Variants in ADGRV1 observed in about 807,000 individuals in gnomAD.
ADGRV1 encodes G-protein coupled receptor 98.
A neutral mutation model predicts 596.2 loss-of-function variants in ADGRV1; 359 were observed. The observed-to-expected ratio is 0.60, with a 90% CI of 0.55 to 0.66. The LOEUF (loss-of-function observed/expected upper bound fraction) is 0.66, where lower values mean the gene tolerates loss of function less well. Among genes scored for constraint, ADGRV1 ranks in the 30% least tolerant of loss-of-function variants. ADGRV1 has a pLI of 0.00. For synonymous variants in ADGRV1, 2,681 were observed against 2,679.2 expected (o/e 1.00, Z -0.02); for missense variants, 7,274 against 7,575.6 (o/e 0.96, Z 1.48).
chr5:91,086,632 T>G (rs992608284), intron 86 of ADGRV1, among the ~76,000 whole-genome samples: 2 of 152,180 alleles, frequency 1.3e-5, no homozygotes, highest in South Asian at 4.1e-4. Flanking sequence ...TAAGCTCTCT[T>G]ACTCTTTTCT....
rs141624556 is a variant in ADGRV1, at chr5:90,839,416, G to A, written c.16612-1162G>A. Among the ~76,000 whole-genome samples, 573 of 151,976 alleles carry A rather than the reference G, an allele frequency of 3.8e-3. 5 individuals carry two copies. The highest frequency in any genetic ancestry group is 0.012 in the African/African-American group (513 of 41,450). On this transcript the variant is annotated intron_variant, in intron 77 of 89. Coordinates refer to ENST00000405460, the MANE Select transcript of ADGRV1 (RefSeq NM_032119.4). ...TTTTTAGTAGAGATGGGGTTTCACC[G>A]TGTTAGCCAGGATGGTCTTGATCTC...
chr5:90,816,477 T>C (rs1282001509), intron 75 of ADGRV1, among the ~76,000 whole-genome samples: 1 of 151,958 alleles, frequency 6.6e-6, no homozygotes, highest in Non-Finnish European at 1.5e-5. Context: ...TTGTTACGTA[T>C]GTACACATGT....
Position 90,629,509 on chromosome 5 carries a change from C to T in ADGRV1, c.1809C>T (p.Phe603=). The stretch of plus-strand genomic sequence containing the variant: ...AATTACCAATAAGAAATGATGCATT[C>T]CTTCAAAATGGAGCTCACTTTCTAG... The part of the protein sequence containing the change: ...TTKLPIRNDA[F]LQNGAHFLVQ... The change falls in exon 9 of 90, where the codon TTC becomes TTT. Residue 603 remains phenylalanine (F), a synonymous_variant. Coordinates refer to ENST00000405460, the MANE Select transcript of ADGRV1 (RefSeq NM_032119.4). 1 of 1,611,846 alleles carries T rather than the reference C, an allele frequency of 6.2e-7. No individual in the cohort carries two copies. The highest frequency in any genetic ancestry group is 8.5e-7 in the Non-Finnish European group (1 of 1,179,046).
At chr5:90,584,931 A>T (rs1356349906) in intron 1 of ADGRV1, among the ~76,000 whole-genome samples, 3 of 152,182 alleles carry the variant, frequency 2.0e-5, no homozygotes, top group Admixed American at 2.0e-4. Context: ...ACCACACTGC[A>T]TTTGCTATTA....
intron 67 of ADGRV1, among the ~76,000 whole-genome samples, chr5:90,786,992 G>C (rs1008390338): frequency 2.6e-5 from 4 of 152,154 alleles, no homozygotes; most frequent in Admixed American, 6.5e-5. Context: ...TCTGGAAACA[G>C]GAAGGATATG....
chr5:90,926,309 C>A (rs1458113314), intron 83 of ADGRV1, among the ~76,000 whole-genome samples: 27 of 151,646 alleles, frequency 1.8e-4, no homozygotes, highest in Admixed American at 1.7e-3. Flanking sequence ...ACAATTTCAG[C>A]TCCTGTTATT....
intron 17 of ADGRV1, 43 bp downstream of exon 17, chr5:90,647,807 T>C: frequency 6.4e-7 from 1 of 1,555,172 alleles, no homozygotes; most frequent in Non-Finnish European, 8.8e-7. Flanking sequence ...GCCTCAGTGC[T>C]TTAATAAGAT....
At chr5:90,673,307 A>C (rs1015372576) in intron 22 of ADGRV1, among the ~76,000 whole-genome samples, 1 of 152,188 alleles carries the variant, frequency 6.6e-6, no homozygotes, top group Non-Finnish European at 1.5e-5. Flanking sequence ...ATCATAGAAC[A>C]TGCAGTTTCT....
At position 90,745,168 on chromosome 5, in the gene ADGRV1, T is replaced by C. The variant is rs1435671690; in HGVS notation, c.10672T>C (p.Ser3558Pro). 1.2e-6 allele frequency: 2 copies of C among 1,613,254 alleles called. No homozygotes were observed. The highest frequency in any genetic ancestry group is 2.7e-5 in the African/African-American group (2 of 74,918). ...TGATGTGGCTTCTGTTACAGTAAAGTCCCTTAATTCAAGCAAGAATTTAAT... is the reference window on the plus strand; with the variant it reads ...TGATGTGGCTTCTGTTACAGTAAAGCCCCTTAATTCAAGCAAGAATTTAAT... Reference protein sequence around the residue: ...AYDVASVTVKSLNSSKNLIAL... With the variant: ...AYDVASVTVKPLNSSKNLIAL... The change falls in exon 51 of 90, where the codon TCC becomes CCC. Residue 3558 changes from serine (S) to proline (P), a missense_variant. Around this residue, in one of 5 missense-constraint regions of ADGRV1, gnomAD observed 3,643 missense variants for 3,809.2 expected, o/e 0.96. Transcript: ENST00000405460.
At chr5:90,938,468 C>A (rs553710509) in intron 83 of ADGRV1, among the ~76,000 whole-genome samples, 3 of 152,174 alleles carry the variant, frequency 2.0e-5, no homozygotes, top group African/African-American at 7.2e-5. Flanking sequence ...GTGAGACTGG[C>A]GATGTTTGAG....
At chr5:90,960,856 G>A (rs1261809035) in intron 83 of ADGRV1, among the ~76,000 whole-genome samples, 1 of 152,136 alleles carries the variant, frequency 6.6e-6, no homozygotes, top group Non-Finnish European at 1.5e-5. Context: ...ATAGAATGGT[G>A]TACGAAGAGT....
intron 11 of ADGRV1, among the ~76,000 whole-genome samples, chr5:90,639,363 C>T (rs907950646): frequency 6.6e-6 from 1 of 152,120 alleles, no homozygotes; most frequent in Non-Finnish European, 1.5e-5. Flanking sequence ...GTTAGCTTAG[C>T]TGACAGTTTC....
At chr5:90,752,946 T>C (rs1346308955) in intron 53 of ADGRV1, among the ~76,000 whole-genome samples, 1 of 152,214 alleles carries the variant, frequency 6.6e-6, no homozygotes, top group Non-Finnish European at 1.5e-5. Context: ...GTAGCTGCAT[T>C]GCTGGAGAGT....
chr5:91,001,932 C>T (rs2151110240), intron 85 of ADGRV1, among the ~76,000 whole-genome samples: 1 of 152,174 alleles, frequency 6.6e-6, no homozygotes. Context: ...TTTCCTATGA[C>T]ACTAAATATT....
intron 83 of ADGRV1, among the ~76,000 whole-genome samples, chr5:90,864,058 C>T (rs1445252448): frequency 6.6e-6 from 1 of 151,770 alleles, no homozygotes; most frequent in Non-Finnish European, 1.5e-5. Flanking sequence ...CAGAGAAGCA[C>T]CTTAATATCA....
At chr5:90,967,595 C>G (rs914522949) in intron 84 of ADGRV1, among the ~76,000 whole-genome samples, 1 of 152,066 alleles carries the variant, frequency 6.6e-6, no homozygotes, top group African/African-American at 2.4e-5. Context: ...TGCCCCTGAC[C>G]TATTCAGAAT....
At chr5:90,623,682 G>A (rs1275359126) in intron 5 of ADGRV1, among the ~76,000 whole-genome samples, 3 of 152,002 alleles carry the variant, frequency 2.0e-5, no homozygotes, top group African/African-American at 7.2e-5. Flanking sequence ...CAAAGAGCTG[G>A]GATTACAGTC....
chr5:90,675,840 GA>G lies in ADGRV1; in HGVS notation c.5314-234del, dbSNP rs770761273. The stretch of plus-strand genomic sequence containing the variant: ...AAAAAAAGAAAAGAAAAGAAAGAAA[GA>G]AAAAAGAAATAATCTACTTTATCTA... On this transcript the variant is annotated intron_variant, in intron 24 of 89. Coordinates refer to ENST00000405460, the MANE Select transcript of ADGRV1 (RefSeq NM_032119.4). Among the ~76,000 whole-genome samples the G allele has an allele frequency of 1.9e-3, 293 of 151,674 alleles. 1 individual carries two copies. Among genetic ancestry groups the G allele is most frequent in the Non-Finnish European group, 1.9e-3 (131 of 67,850 alleles).
At chr5:90,719,964 T>A in intron 43 of ADGRV1, 84 bp from the exon 44 acceptor site, 2 of 1,012,684 alleles carry the variant, frequency 2.0e-6, no homozygotes, top group Non-Finnish European at 3.1e-6. Flanking sequence ...TATTTTGTTG[T>A]CAGAAATGTT....
Sources: gnomAD v4.1 joint callset for allele counts (sites outside exome capture counted in the v4.1 genomes callset) on GRCh38, gnomAD v4.1.1 for gene constraint, gnomAD v4.1.1 regional missense constraint, MANE v1.5 for transcripts, NCBI Gene and HGNC (gene_info 2026-07-23, HGNC 2026-07-21) for gene names.